Variants in BRD4 observed in about 807,000 individuals in gnomAD.
The protein encoded by BRD4 is bromodomain containing 4, also known as bromodomain-containing protein 4.
A neutral mutation model predicts 142.1 loss-of-function variants in BRD4; 16 were observed. The ratio of observed to expected loss-of-function variants is 0.11; its 90% CI spans 0.08 to 0.17. BRD4 has a LOEUF of 0.17. Among genes scored for constraint, BRD4 ranks in the 10% least tolerant of loss-of-function variants. The pLI is 1.00. For missense variants in BRD4, 1,424 were observed against 1,810.9 expected, an observed-to-expected ratio of 0.79 and a Z score of 3.88; for synonymous variants, 833 against 707.5, an observed-to-expected ratio of 1.18 and a Z score of -2.82.
chr19:15,253,561 G>A (rs769557183), intron 11 of BRD4: 4 of 1,562,746 alleles, frequency 2.6e-6, no homozygotes, highest in East Asian at 2.3e-5. Context: ...GCAGATTCAG[G>A]AGCAGCCAAC....
rs200378959 is a variant in BRD4, at chr19:15,237,931, C to A, written c.*446G>T. 2 of 241,626 alleles carry A rather than the reference C, an allele frequency of 8.3e-6. No individual in the cohort carries two copies. The highest frequency in any genetic ancestry group is 4.4e-5 in the African/African-American group (2 of 45,322). 15.0% of individuals were successfully genotyped at this position (241,626 alleles called of 1,614,324 possible). On this transcript the variant is annotated 3_prime_UTR_variant, in exon 20 of 20. Coordinates refer to ENST00000679869, the MANE Select transcript of BRD4 (RefSeq NM_001379291.1). ...CAGGCCTGCCCTGGCCTCCTGGGAG[C>A]GGGCGGCGATGGCTGGGGTGTGGGG...
intron 1 of BRD4, among the ~76,000 whole-genome samples, chr19:15,320,601 T>C (rs1359043771): frequency 6.6e-6 from 1 of 152,226 alleles, no homozygotes; most frequent in Non-Finnish European, 1.5e-5. Flanking sequence ...AAGATTTTCC[T>C]GAACACTTTA....
intron 3 of BRD4, 70 bp from the exon 4 acceptor site, chr19:15,267,621 A>G (rs1467672807): frequency 1.3e-6 from 2 of 1,488,502 alleles, no homozygotes; most frequent in Non-Finnish European, 8.9e-7. Flanking sequence ...AGGGCACCCC[A>G]TGCCACCCAC....
At chr19:15,310,729 A>C (rs897904651) in intron 1 of BRD4, among the ~76,000 whole-genome samples, 5 of 150,468 alleles carry the variant, frequency 3.3e-5, no homozygotes, top group African/African-American at 4.9e-5. Flanking sequence ...TCCTGATCTC[A>C]GGTGATCCAC....
chr19:15,314,623 C>T (rs1385542277), intron 1 of BRD4, among the ~76,000 whole-genome samples: 1 of 152,136 alleles, frequency 6.6e-6, no homozygotes, highest in Non-Finnish European at 1.5e-5. Context: ...TGACAGCATC[C>T]ATGAGGATGT....
chr19:15,290,801 C>T (rs1006571004), intron 1 of BRD4, among the ~76,000 whole-genome samples: 3 of 152,148 alleles, frequency 2.0e-5, no homozygotes, highest in African/African-American at 4.8e-5. Flanking sequence ...CCTCTTCCCT[C>T]ATAAACACAG....
At chr19:15,321,982 G>C (rs955072164) in intron 1 of BRD4, among the ~76,000 whole-genome samples, 3 of 151,966 alleles carry the variant, frequency 2.0e-5, no homozygotes, top group Non-Finnish European at 4.4e-5. Flanking sequence ...AGTCATCATT[G>C]GGCAAATGAC....
intron 13 of BRD4, 126 bp downstream of exon 13, chr19:15,244,105 G>C (rs547016160): frequency 2.6e-6 from 4 of 1,509,620 alleles, no homozygotes; most frequent in East Asian, 2.4e-5. Context: ...AGAAGCCACA[G>C]ATCTTCCCTC....
At chr19:15,241,754 C>A (rs1202864673) in intron 14 of BRD4, among the ~76,000 whole-genome samples, 1 of 151,422 alleles carries the variant, frequency 6.6e-6, no homozygotes. Context: ...CCAGGGAGGA[C>A]AGGCAGCTTG....
At chr19:15,251,500 G>GGGAAATAA (rs2047346170) in intron 11 of BRD4, among the ~76,000 whole-genome samples, 1 of 127,438 alleles carries the variant, frequency 7.8e-6, no homozygotes, top group Non-Finnish European at 1.6e-5. Flanking sequence ...AAAGACCAAA[G>GGGAAATAA]GGAAATAATG....
chr19:15,288,381 A>G (rs571861873), intron 1 of BRD4, among the ~76,000 whole-genome samples: 2 of 152,338 alleles, frequency 1.3e-5, no homozygotes, highest in Non-Finnish European at 2.9e-5. Context: ...GACTGGTGAC[A>G]GAGCAAGACC....
chr19:15,310,217 T>G (rs2047955277), intron 1 of BRD4, among the ~76,000 whole-genome samples: 1 of 148,834 alleles, frequency 6.7e-6, no homozygotes, highest in Non-Finnish European at 1.5e-5. Flanking sequence ...ACAGTCCTTT[T>G]TTTTTTTTTT....
intron 11 of BRD4, among the ~76,000 whole-genome samples, chr19:15,246,171 G>C (rs940682133): frequency 7.9e-5 from 12 of 152,222 alleles, no homozygotes; most frequent in Non-Finnish European, 1.6e-4. Context: ...CTCTGGGTCA[G>C]AGTATGACAT....
intron 1 of BRD4, among the ~76,000 whole-genome samples, chr19:15,312,424 A>G (rs2047979486): frequency 6.6e-6 from 1 of 152,184 alleles, no homozygotes; most frequent in Admixed American, 6.5e-5. Context: ...ACCTGAGATC[A>G]GGAGTTCAAG....
At chr19:15,302,074 C>G (rs1207840078) in intron 1 of BRD4, among the ~76,000 whole-genome samples, 1 of 151,044 alleles carries the variant, frequency 6.6e-6, no homozygotes, top group African/African-American at 2.4e-5. Context: ...GGTTGAGACT[C>G]CAGAATTGCT....
intron 1 of BRD4, among the ~76,000 whole-genome samples, chr19:15,298,288 TAACTC>T (rs1428414506): frequency 1.3e-5 from 2 of 152,248 alleles, no homozygotes; most frequent in Non-Finnish European, 2.9e-5. Flanking sequence ...GGACTGTAGT[TAACTC>T]AACGGCTTTC....
intron 1 of BRD4, among the ~76,000 whole-genome samples, chr19:15,322,594 T>A (rs2048071647): frequency 6.7e-6 from 1 of 148,902 alleles, no homozygotes; most frequent in Admixed American, 6.7e-5. Flanking sequence ...GGCGGGCGCC[T>A]GTAGTCCCAG....
intron 10 of BRD4, among the ~76,000 whole-genome samples, chr19:15,254,885 C>T (rs1286523434): frequency 1.3e-5 from 2 of 152,182 alleles, no homozygotes; most frequent in African/African-American, 2.4e-5. Flanking sequence ...GATGCCACAC[C>T]GAACTGTCCC....
At chr19:15,262,097 G>A (rs1401832455) in intron 7 of BRD4, among the ~76,000 whole-genome samples, 1 of 152,142 alleles carries the variant, frequency 6.6e-6, no homozygotes, top group Non-Finnish European at 1.5e-5. Context: ...AGTGCCTTAG[G>A]TCCAGTGGGA....
Sources: allele counts gnomAD v4.1 joint callset (sites outside exome capture counted in the v4.1 genomes callset), GRCh38; gene constraint gnomAD v4.1.1; transcripts MANE v1.5; gene names NCBI Gene and HGNC (gene_info 2026-07-23, HGNC 2026-07-21).